The following GIP variants were observed in gnomAD, a reference collection of about 807,000 sequenced individuals.
GIP encodes the protein glucose-dependent insulinotropic polypeptide.
A neutral mutation model predicts 18.1 loss-of-function variants in GIP; 16 were observed. The ratio of observed to expected loss-of-function variants is 0.88; its 90% CI spans 0.60 to 1.34. GIP has a LOEUF of 1.34. Among genes scored for constraint, GIP ranks in the 40% most tolerant of loss-of-function variants. GIP has a pLI of 0.00. For synonymous variants in GIP, 76 were observed against 74.0 expected (o/e 1.03, Z -0.14); for missense variants, 192 against 183.4 (o/e 1.05, Z -0.27).
chr17:48,967,331 G>T, intron 1 of GIP, 78 bp from the exon 2 acceptor site: 2 of 908,516 alleles, frequency 2.2e-6, no homozygotes, highest in Non-Finnish European at 3.6e-6. Context: ...GCAAAGCCCT[G>T]AGGTTTGGAC....
At chr17:48,963,815 T>C (rs1232085486) in intron 3 of GIP, among the ~76,000 whole-genome samples, 1 of 89,810 alleles carries the variant, frequency 1.1e-5, no homozygotes, top group African/African-American at 4.9e-5. Context: ...CACTCCAGCC[T>C]GGGCAACAAG....
intron 1 of GIP, 39 bp from the exon 2 acceptor site, chr17:48,967,292 C>G: frequency 7.4e-7 from 1 of 1,343,346 alleles, no homozygotes. Context: ...GAGAGAGCAA[C>G]CAGTAGGGGT....
At chr17:48,959,753 G>A (rs1017013501) in intron 5 of GIP, among the ~76,000 whole-genome samples, 2 of 146,404 alleles carry the variant, frequency 1.4e-5, no homozygotes, top group African/African-American at 5.0e-5. Context: ...GCTCAGCTCT[G>A]TGTGTAGGGA....
chr17:48,959,895 C>T (rs2041191099), intron 5 of GIP, among the ~76,000 whole-genome samples: 1 of 3,830 alleles, frequency 2.6e-4, no homozygotes, highest in Admixed American at 6.3e-3. Context: ...AGGCAGGCCA[C>T]AGGATGGGCT....
intron 2 of GIP, among the ~76,000 whole-genome samples, chr17:48,965,304 TAAAAA>T (rs35687818): frequency 5.4e-5 from 6 of 111,184 alleles, no homozygotes; most frequent in Non-Finnish European, 5.6e-5. Context: ...TTCGTCTCAA[TAAAAA>T]AAAAAAAAAA....
At chr17:48,966,032 G>A (rs1476217951) in intron 2 of GIP, among the ~76,000 whole-genome samples, 2 of 152,048 alleles carry the variant, frequency 1.3e-5, no homozygotes, top group Non-Finnish European at 2.9e-5. Context: ...GGTCCAAGCA[G>A]GTGGATCACG....
Position 48,961,087 on chromosome 17 carries a change from G to C in GIP, c.351-100C>G, listed in dbSNP as rs531571021. On this transcript the variant is annotated intron_variant, in intron 4 of 5. Coordinates refer to ENST00000357424, the MANE Select transcript of GIP (RefSeq NM_004123.3). ...CACCACTGAGGGGCAGCCGCGGATG[G>C]GGGGAGGGAGCCGACACAGCTATCT... The C allele has an allele frequency of 6.1e-4, 428 of 697,356 alleles. No individual in the cohort carries two copies. The African/African-American group carries it at 6.4e-3, about 10-fold the overall frequency. 43.2% of individuals were successfully genotyped at this position (697,356 alleles called of 1,614,324 possible). A position where few individuals can be genotyped will look rare whatever the true frequency, so the allele number is the denominator to read the frequency against.
intron 2 of GIP, among the ~76,000 whole-genome samples, chr17:48,964,887 C>T (rs1480133134): frequency 1.3e-5 from 2 of 152,130 alleles, no homozygotes; most frequent in African/African-American, 4.8e-5. Flanking sequence ...CGCCTGTAAT[C>T]CCAGCACTTT....
chr17:48,963,862 A>AAAAAAAAAAAAAAAAAG (rs1168878456), intron 3 of GIP, among the ~76,000 whole-genome samples: 1 of 136,802 alleles, frequency 7.3e-6, no homozygotes, highest in African/African-American at 2.9e-5. Flanking sequence ...AAAAAAAAAA[A>AAAAAAAAAAAAAAAAAG]AGAGAGAGAG....
chr17:48,959,650 G>A (rs1315957473), intron 5 of GIP, among the ~76,000 whole-genome samples: 1 of 152,254 alleles, frequency 6.6e-6, no homozygotes. Context: ...AGTGGCCACA[G>A]AGGAAGGAAA....
intron 5 of GIP, 84 bp from the exon 6 acceptor site, chr17:48,958,800 T>C (rs1276305247): frequency 1.1e-5 from 10 of 942,438 alleles, no homozygotes; most frequent in Non-Finnish European, 1.7e-5. Flanking sequence ...CAACCATTGT[T>C]GAACCCCTCC....
intron 3 of GIP, among the ~76,000 whole-genome samples, chr17:48,962,263 GC>G (rs1444626996): frequency 1.3e-5 from 2 of 151,236 alleles, no homozygotes; most frequent in Non-Finnish European, 2.9e-5. Flanking sequence ...TTGCCATGTT[GC>G]CCAGGCTGTT....
At chr17:48,961,917 CT>C (rs908774943) in intron 3 of GIP, 98 bp from the exon 4 acceptor site, 17 of 806,034 alleles carry the variant, frequency 2.1e-5, no homozygotes, top group South Asian at 3.0e-5. Context: ...CAGAGGGTAC[CT>C]TTTTCCACTC....
chr17:48,962,034 G>A (rs1358939411), intron 3 of GIP, among the ~76,000 whole-genome samples: 1 of 152,212 alleles, frequency 6.6e-6, no homozygotes, highest in Non-Finnish European at 1.5e-5. Context: ...CATAGAGCAG[G>A]GAGAAGGACG....
intron 1 of GIP, among the ~76,000 whole-genome samples, chr17:48,967,780 A>T (rs1001468858): frequency 4.0e-5 from 6 of 149,926 alleles, no homozygotes; most frequent in Non-Finnish European, 8.9e-5. Context: ...GGCTGGGTGC[A>T]GTGGCTCATG....
At chr17:48,967,449 T>A (rs2041241365) in intron 1 of GIP, among the ~76,000 whole-genome samples, 196 bp from the exon 2 acceptor site, 1 of 146,310 alleles carries the variant, frequency 6.8e-6, no homozygotes, top group Admixed American at 6.9e-5. Flanking sequence ...AACCTCCACC[T>A]CCTGGGTTCA....
intron 1 of GIP, among the ~76,000 whole-genome samples, chr17:48,967,565 G>A (rs2041241999): frequency 6.6e-6 from 1 of 151,194 alleles, no homozygotes; most frequent in African/African-American, 2.4e-5. Flanking sequence ...TCACCATATT[G>A]GCCAGGCTGG....
intron 4 of GIP, among the ~76,000 whole-genome samples, 200 bp from the exon 5 acceptor site, chr17:48,961,187 T>C (rs2041198981): frequency 6.6e-6 from 1 of 152,158 alleles, no homozygotes; most frequent in Non-Finnish European, 1.5e-5. Context: ...CTGGGGAATA[T>C]GGACTCTTCA....
At position 48,964,328 on chromosome 17, in the gene GIP, T is replaced by G. The variant is rs1024231300; in HGVS notation, c.239A>C (p.Gln80Pro). The change falls in exon 3 of 6, where the codon CAA (glutamine) becomes CCA (proline). Residue 80 changes from glutamine (Q) to proline (P), a missense_variant. Transcript: ENST00000357424. ...GACTCACTCATTCTTCTTCCCCTTT[T>G]GGGCCAGCAGCCAGTTCACAAAGTC... ...QQDFVNWLLA[Q>P]KGKKNDWKHN... The G allele has an allele frequency of 1.9e-6, 3 of 1,613,632 alleles. No homozygotes were observed. The highest frequency in any genetic ancestry group is 2.7e-5 in the African/African-American group (2 of 74,914).
Sources: gnomAD v4.1 joint callset for allele counts (sites outside exome capture counted in the v4.1 genomes callset) on GRCh38, gnomAD v4.1.1 for gene constraint, MANE v1.5 for transcripts, NCBI Gene and HGNC (gene_info 2026-07-23, HGNC 2026-07-21) for gene names.